OR51B5: variants seen among roughly 807,000 people sequenced by gnomAD.
OR51B5 encodes olfactory receptor family 51 subfamily B member 5.
For missense variants in OR51B5, 456 were observed against 374.6 expected (o/e 1.22, Z -1.79); for synonymous variants, 186 against 144.8 (o/e 1.28, Z -2.04).
At chr11:5,381,584 C>T (rs1319908553) in intron 1 of OR51B5, among the ~76,000 whole-genome samples, 3 of 152,216 alleles carry the variant, frequency 2.0e-5, no homozygotes, top group Non-Finnish European at 4.4e-5. Context: ...AAGGCAAGAC[C>T]ATGACATGTT....
At chr11:5,364,656 T>C (rs1218662681) in intron 1 of OR51B5, among the ~76,000 whole-genome samples, 1 of 145,502 alleles carries the variant, frequency 6.9e-6, no homozygotes. Flanking sequence ...TGTGCATCTC[T>C]GAATATCTCT....
At chr11:5,421,768 G>A (rs1850342590) in intron 1 of OR51B5, among the ~76,000 whole-genome samples, 1 of 152,044 alleles carries the variant, frequency 6.6e-6, no homozygotes, top group Non-Finnish European at 1.5e-5. Context: ...GAGATATTTG[G>A]AAAAAGACAC....
intron 1 of OR51B5, among the ~76,000 whole-genome samples, chr11:5,420,855 C>CATAT (rs1850323248): frequency 1.3e-5 from 2 of 151,984 alleles, no homozygotes; most frequent in Non-Finnish European, 2.9e-5. Context: ...ATTTCTTGTA[C>CATAT]ATATATATAA....
At chr11:5,443,907 C>T (rs571945159) in intron 1 of OR51B5, among the ~76,000 whole-genome samples, 4 of 151,968 alleles carry the variant, frequency 2.6e-5, no homozygotes, top group Non-Finnish European at 5.9e-5. Flanking sequence ...GAAAAATATA[C>T]ATTTTTACAC....
intron 1 of OR51B5, among the ~76,000 whole-genome samples, chr11:5,483,289 T>A (rs1359848082): frequency 7.5e-6 from 1 of 132,750 alleles, no homozygotes; most frequent in Non-Finnish European, 1.5e-5. Flanking sequence ...TTCTCACTCA[T>A]AGGTGGGAAC....
chr11:5,380,844 C>T (rs1420150781), intron 1 of OR51B5, among the ~76,000 whole-genome samples: 1 of 152,112 alleles, frequency 6.6e-6, no homozygotes, highest in African/African-American at 2.4e-5. Flanking sequence ...GAAGGTGGTG[C>T]TGGAAGAAAA....
chr11:5,388,979 C>G (rs1285907358), intron 1 of OR51B5, among the ~76,000 whole-genome samples: 2 of 151,836 alleles, frequency 1.3e-5, no homozygotes, highest in African/African-American at 4.8e-5. Flanking sequence ...ACAGATGTTG[C>G]TAGAGTCTGG....
At chr11:5,449,090 T>G (rs1233413977) in intron 1 of OR51B5, among the ~76,000 whole-genome samples, 1 of 152,224 alleles carries the variant, frequency 6.6e-6, no homozygotes, top group Non-Finnish European at 1.5e-5. Flanking sequence ...AGCGATTGCC[T>G]GTCTATCACT....
intron 1 of OR51B5, chr11:5,489,629 T>G (rs371406348): frequency 1.2e-6 from 2 of 1,613,578 alleles, no homozygotes; most frequent in Non-Finnish European, 1.7e-6. Context: ...AGTCGACTTC[T>G]AAAACTGCTT....
intron 1 of OR51B5, among the ~76,000 whole-genome samples, chr11:5,401,932 CTTT>C (rs1465373057): frequency 4.2e-5 from 6 of 142,242 alleles, no homozygotes; most frequent in African/African-American, 1.1e-4. Context: ...CTTTCCTTTT[CTTT>C]TATTATTCTT....
intron 1 of OR51B5, among the ~76,000 whole-genome samples, chr11:5,461,834 C>T (rs1056040721): frequency 6.6e-6 from 1 of 152,176 alleles, no homozygotes; most frequent in Admixed American, 6.5e-5. Context: ...TGCTCGACTA[C>T]CCCATACAGG....
intron 1 of OR51B5, among the ~76,000 whole-genome samples, chr11:5,476,793 A>G (rs577723003): frequency 6.6e-6 from 1 of 152,344 alleles, no homozygotes; most frequent in East Asian, 1.9e-4. Flanking sequence ...CAGCTGTAAA[A>G]CAAGAATAAT....
intron 1 of OR51B5, among the ~76,000 whole-genome samples, chr11:5,388,904 T>C (rs1849745313): frequency 6.6e-6 from 1 of 152,034 alleles, no homozygotes; most frequent in African/African-American, 2.4e-5. Context: ...TATGGAGAGA[T>C]GTGATATGGA....
chr11:5,480,816 T>C, intron 1 of OR51B5, among the ~76,000 whole-genome samples: 1 of 128,828 alleles, frequency 7.8e-6, no homozygotes, highest in Non-Finnish European at 1.7e-5. Context: ...AGGAAGAAGT[T>C]GAATCTCTGA....
At chr11:5,484,111 A>T (rs2133810379) in intron 1 of OR51B5, among the ~76,000 whole-genome samples, 1 of 152,250 alleles carries the variant, frequency 6.6e-6, no homozygotes, top group South Asian at 2.1e-4. Context: ...CTCCACCTGC[A>T]AACTCATGTC....
chr11:5,423,498 G>T (rs1469261533), intron 1 of OR51B5, among the ~76,000 whole-genome samples: 3 of 152,134 alleles, frequency 2.0e-5, no homozygotes, highest in Admixed American at 2.0e-4. Context: ...AAGTTTAAAG[G>T]AAATCCTGTT....
At chr11:5,360,256 G>A (rs1421101198) in intron 1 of OR51B5, among the ~76,000 whole-genome samples, 2 of 151,798 alleles carry the variant, frequency 1.3e-5, no homozygotes, top group African/African-American at 4.8e-5. Context: ...CCGACAAAGG[G>A]CTAATATCCA....
chr11:5,376,302 C>T (rs1443746792), intron 1 of OR51B5, among the ~76,000 whole-genome samples: 1 of 152,146 alleles, frequency 6.6e-6, no homozygotes, highest in Non-Finnish European at 1.5e-5. Flanking sequence ...CTCTGGGACA[C>T]ATTCGAATCA....
chr11:5,480,309 C>T (rs577480913), intron 1 of OR51B5, among the ~76,000 whole-genome samples: 5,057 of 151,404 alleles, frequency 0.033, 258 homozygotes, highest in African/African-American at 0.11. Context: ...TTGAAACCAA[C>T]GAGAACAAAG....
Sources: gnomAD v4.1 joint callset for allele counts (sites outside exome capture counted in the v4.1 genomes callset) on GRCh38, gnomAD v4.1.1 for gene constraint, MANE v1.5 for transcripts, NCBI Gene and HGNC (gene_info 2026-07-23, HGNC 2026-07-21) for gene names.